SOX5: variants seen among roughly 807,000 people sequenced by gnomAD.
SOX5 encodes the protein SRY-box transcription factor 5, also known as transcription factor SOX-5.
In SOX5, 9 loss-of-function variants were observed where a neutral mutation model predicts 92.0. The ratio of observed to expected loss-of-function variants is 0.10; its 90% CI spans 0.06 to 0.17. The LOEUF (loss-of-function observed/expected upper bound fraction) is 0.17, where lower values mean the gene tolerates loss of function less well. Among genes scored for constraint, SOX5 ranks in the 10% least tolerant of loss-of-function variants. SOX5 has a pLI of 1.00. For missense variants in SOX5, 642 were observed against 944.5 expected (o/e 0.68, Z 4.20); for synonymous variants, 344 against 336.3 (o/e 1.02, Z -0.25).
chr12:23,662,689 G>A (rs539859599), intron 7 of SOX5, among the ~76,000 whole-genome samples: 4 of 152,162 alleles, frequency 2.6e-5, no homozygotes, highest in East Asian at 1.9e-4. Context: ...TCCTTAAACT[G>A]TGTTTCTATT....
intron 11 of SOX5, among the ~76,000 whole-genome samples, chr12:23,553,057 T>G (rs1944507013): frequency 6.6e-6 from 1 of 152,042 alleles, no homozygotes; most frequent in Non-Finnish European, 1.5e-5. Context: ...CTTGTGTAAT[T>G]TGTCATATTT....
chr12:24,281,019 AAAC>A (rs1479577648), intron 2 of SOX5, among the ~76,000 whole-genome samples: 11 of 150,452 alleles, frequency 7.3e-5, no homozygotes, highest in African/African-American at 2.2e-4. Context: ...AAAAAAAAAA[AAAC>A]AAACCTAAAA....
At chr12:24,185,796 T>C (rs547884654) in intron 4 of SOX5, among the ~76,000 whole-genome samples, 1 of 152,312 alleles carries the variant, frequency 6.6e-6, no homozygotes, top group Non-Finnish European at 1.5e-5. Context: ...ATGTTATCCA[T>C]GATTAATATT....
intron 2 of SOX5, among the ~76,000 whole-genome samples, chr12:23,874,693 C>A (rs1568531280): frequency 1.3e-5 from 2 of 152,024 alleles, no homozygotes; most frequent in Non-Finnish European, 2.9e-5. Flanking sequence ...CCAAGAGGCA[C>A]AGGATGAGGT....
At chr12:23,574,574 A>G (rs1948839204) in intron 10 of SOX5, among the ~76,000 whole-genome samples, 1 of 152,122 alleles carries the variant, frequency 6.6e-6, no homozygotes, top group Non-Finnish European at 1.5e-5. Context: ...CTCCTTTATC[A>G]TTGTTTATTT....
chr12:24,244,063 A>G (rs1399960159), intron 3 of SOX5, among the ~76,000 whole-genome samples: 7 of 151,296 alleles, frequency 4.6e-5, no homozygotes, highest in African/African-American at 1.7e-4. Flanking sequence ...AAAAAAAAAA[A>G]AAAGAAAAGG....
intron 1 of SOX5, among the ~76,000 whole-genome samples, chr12:24,507,899 AT>A (rs560273012): frequency 1.4e-4 from 21 of 150,482 alleles, no homozygotes; most frequent in Middle Eastern, 3.4e-3. Context: ...AATTTCCATA[AT>A]TTTTTTTTTA....
chr12:24,024,207 A>G (rs901593176), intron 4 of SOX5, among the ~76,000 whole-genome samples: 1 of 152,032 alleles, frequency 6.6e-6, no homozygotes, highest in African/African-American at 2.4e-5. Flanking sequence ...AATGGAATAC[A>G]ATGGTCAAAA....
intron 2 of SOX5, among the ~76,000 whole-genome samples, chr12:24,341,289 C>G (rs1480308840): frequency 6.6e-6 from 1 of 152,054 alleles, no homozygotes; most frequent in Admixed American, 6.6e-5. Flanking sequence ...CCAGCCTGGG[C>G]AACACAGGGA....
At chr12:24,312,338 G>T (rs1949264430) in intron 2 of SOX5, among the ~76,000 whole-genome samples, 1 of 152,136 alleles carries the variant, frequency 6.6e-6, no homozygotes, top group African/African-American at 2.4e-5. Context: ...GGCCTAGCAG[G>T]TCCTAAATAA....
At chr12:24,484,439 A>G (rs536897272) in intron 1 of SOX5, among the ~76,000 whole-genome samples, 1 of 152,286 alleles carries the variant, frequency 6.6e-6, no homozygotes, top group Admixed American at 6.5e-5. Context: ...ACTGTTTTAA[A>G]TCATATTAAT....
At chr12:24,332,778 C>A (rs564421003) in intron 2 of SOX5, among the ~76,000 whole-genome samples, 1 of 152,010 alleles carries the variant, frequency 6.6e-6, no homozygotes, top group South Asian at 2.1e-4. Context: ...TGACACTGGA[C>A]CCCAGAGAGC....
intron 10 of SOX5, among the ~76,000 whole-genome samples, chr12:23,565,901 C>T (rs536420409): frequency 1.2e-4 from 18 of 152,274 alleles, no homozygotes; most frequent in Admixed American, 9.8e-4. Context: ...CTGCTGACTC[C>T]GTCTCCCTCA....
At chr12:24,361,632 T>TGC (rs1491015313) in intron 2 of SOX5, among the ~76,000 whole-genome samples, 1 of 149,488 alleles carries the variant, frequency 6.7e-6, no homozygotes, top group African/African-American at 2.5e-5. Context: ...TGTGTGTGTG[T>TGC]GCGCATGTGT....
At position 24,370,390 on chromosome 12, in the gene SOX5, T is replaced by C. The variant is rs930071329; in HGVS notation, c.-250-1751A>G. On this transcript the variant is annotated intron_variant, in intron 1 of 4. Coordinates refer to the SOX5 transcript ENST00000446891. ...TGCTCAGGAGGCCGAGGCAGGAGAATGGTGTGAACCCAGGGGGCGGAGCTT... is the reference window on the plus strand; with the variant it reads ...TGCTCAGGAGGCCGAGGCAGGAGAACGGTGTGAACCCAGGGGGCGGAGCTT... 7.6e-4 allele frequency among the ~76,000 whole-genome samples: 106 copies of C among 139,878 alleles called. 1 individual carries two copies. The highest frequency in any genetic ancestry group is 2.1e-4 in the Non-Finnish European group (14 of 66,382). The allele number at this position is 139,878 out of a possible 152,430, so 91.8% of individuals were successfully genotyped here. A position where few individuals can be genotyped will look rare whatever the true frequency, so the allele number is the denominator to read the frequency against.
intron 2 of SOX5, among the ~76,000 whole-genome samples, chr12:23,861,772 T>G (rs1043789017): frequency 2.0e-5 from 3 of 152,184 alleles, no homozygotes; most frequent in Non-Finnish European, 2.9e-5. Context: ...AACCAGGTAC[T>G]GCTATGCCTA....
At chr12:23,830,599 C>G (rs993925529) in intron 3 of SOX5, among the ~76,000 whole-genome samples, 1 of 152,110 alleles carries the variant, frequency 6.6e-6, no homozygotes, top group South Asian at 2.1e-4. Flanking sequence ...TATCTTTAGG[C>G]TTTTCCCCTG....
intron 1 of SOX5, among the ~76,000 whole-genome samples, chr12:24,523,615 G>A (rs575868676): frequency 6.6e-6 from 1 of 152,282 alleles, no homozygotes; most frequent in East Asian, 1.9e-4. Context: ...TCTGCAACAA[G>A]GGTGCCAAGA....
intron 4 of SOX5, among the ~76,000 whole-genome samples, chr12:24,126,372 C>A (rs138483998): frequency 1.3e-5 from 2 of 152,310 alleles, no homozygotes; most frequent in East Asian, 3.9e-4. Flanking sequence ...ATGTGGGTGC[C>A]ACTCTCGGCA....
Sources: gnomAD v4.1 joint callset for allele counts (sites outside exome capture counted in the v4.1 genomes callset) on GRCh38, gnomAD v4.1.1 for gene constraint, MANE v1.5 for transcripts, NCBI Gene and HGNC (gene_info 2026-07-23, HGNC 2026-07-21) for gene names.